CACNA1E: variants seen among roughly 807,000 people sequenced by gnomAD.
CACNA1E encodes the protein voltage-dependent R-type calcium channel subunit alpha-1E.
In CACNA1E, 40 loss-of-function variants were observed where a neutral mutation model predicts 259.2. The observed-to-expected ratio is 0.15, with a 90% confidence interval of 0.12 to 0.20. The LOEUF is 0.20. Among genes scored for constraint, CACNA1E ranks in the 10% least tolerant of loss-of-function variants. CACNA1E has a pLI of 1.00. For synonymous variants in CACNA1E, 1,104 were observed against 1,138.5 expected (o/e 0.97, Z 0.61); for missense variants, 1,874 against 3,040.1 (o/e 0.62, Z 9.02).
At chr1:181,476,976 A>C (rs535633481) in intron 2 of CACNA1E, among the ~76,000 whole-genome samples, 2 of 152,162 alleles carry the variant, frequency 1.3e-5, no homozygotes, top group Non-Finnish European at 1.5e-5. Flanking sequence ...AATAAAGCTT[A>C]ATATCTATTA....
intron 1 of CACNA1E, among the ~76,000 whole-genome samples, chr1:181,484,513 T>G (rs184202251): frequency 6.6e-6 from 1 of 152,336 alleles, no homozygotes; most frequent in Admixed American, 6.5e-5. Flanking sequence ...GCCAAAACCC[T>G]GTGTACAGAT....
At chr1:181,593,272 T>A (rs1652836670) in intron 6 of CACNA1E, among the ~76,000 whole-genome samples, 1 of 152,228 alleles carries the variant, frequency 6.6e-6, no homozygotes, top group African/African-American at 2.4e-5. Context: ...AGAGTGGGTG[T>A]CTGGTTGCTT....
chr1:181,543,881 A>C (rs1294210652), intron 3 of CACNA1E, among the ~76,000 whole-genome samples: 1 of 152,202 alleles, frequency 6.6e-6, no homozygotes, highest in African/African-American at 2.4e-5. Context: ...ATCCTCACAC[A>C]TTGCTGTTGA....
chr1:181,425,700 C>T (rs1324270628), intron 2 of CACNA1E, among the ~76,000 whole-genome samples: 1 of 152,024 alleles, frequency 6.6e-6, no homozygotes, highest in African/African-American at 2.4e-5. Context: ...CCACCTCAGC[C>T]GCTCATACCC....
At chr1:181,646,395 C>T (rs1006571784) in intron 6 of CACNA1E, among the ~76,000 whole-genome samples, 1 of 152,198 alleles carries the variant, frequency 6.6e-6, no homozygotes, top group African/African-American at 2.4e-5. Context: ...GTGGAGGAAG[C>T]CCTGCCTAGG....
At position 181,470,159 on chromosome 1, in the gene CACNA1E, ATTTAT is replaced by A. The variant is rs139091058; in HGVS notation, c.435-13580_435-13576del. Reference sequence around the variant, plus strand: ...CAAGTGAGCGTGAGCGAGCTGCTTGATTTATTTTAATTTTTTTTAGAGATGGAGTC... The same window carrying A: ...CAAGTGAGCGTGAGCGAGCTGCTTGATTTAATTTTTTTTAGAGATGGAGTC... On this transcript the variant is annotated intron_variant, in intron 2 of 11. Transcript: ENST00000524607. 8.9e-3 allele frequency among the ~76,000 whole-genome samples: 1,348 copies of A among 151,860 alleles called. 18 individuals carry two copies. The highest frequency in any genetic ancestry group is 0.028 in the African/African-American group (1,154 of 41,402).
intron 2 of CACNA1E, among the ~76,000 whole-genome samples, chr1:181,434,758 C>A (rs991127741): frequency 1.3e-5 from 2 of 152,158 alleles, no homozygotes; most frequent in African/African-American, 2.4e-5. Flanking sequence ...TGGGCAGGAG[C>A]CACCTGGTCA....
intron 2 of CACNA1E, among the ~76,000 whole-genome samples, chr1:181,430,261 A>G (rs1659621117): frequency 6.6e-6 from 1 of 152,166 alleles, no homozygotes; most frequent in East Asian, 1.9e-4. Flanking sequence ...AAAATTAAGG[A>G]GTGTGGACAA....
chr1:181,664,602 T>C (rs1648026918), intron 7 of CACNA1E, among the ~76,000 whole-genome samples: 1 of 152,168 alleles, frequency 6.6e-6, no homozygotes, highest in Non-Finnish European at 1.5e-5. Context: ...GCTCTGATTT[T>C]CTTGTATTAA....
At chr1:181,411,142 G>A (rs567382654) in intron 1 of CACNA1E, among the ~76,000 whole-genome samples, 1 of 152,298 alleles carries the variant, frequency 6.6e-6, no homozygotes, top group East Asian at 1.9e-4. Context: ...CAATAAGCAG[G>A]TATCTTGAAA....
chr1:181,630,429 T>G (rs1449046723), intron 6 of CACNA1E, among the ~76,000 whole-genome samples: 3 of 150,348 alleles, frequency 2.0e-5, no homozygotes, highest in Non-Finnish European at 3.0e-5. Context: ...CATCTCTTAC[T>G]TTGGTTATTA....
At chr1:181,756,236 A>G (rs1658076948) in intron 29 of CACNA1E, 143 bp downstream of exon 29, 1 of 757,560 alleles carries the variant, frequency 1.3e-6, no homozygotes, top group East Asian at 3.1e-5. Context: ...ACACAGGCAG[A>G]AAAGAGGAAG....
chr1:181,732,224 CG>C lies in CACNA1E; in HGVS notation c.2298-159del, dbSNP rs1431362468. On this transcript the variant is annotated intron_variant, in intron 19 of 47. Transcript: ENST00000367573. The surrounding 1 kb of genome is among the most constrained non-coding windows in gnomAD (Gnocchi z 5.5). ...CCTGATGAGCTCCTCACGTGTGGCC[CG>C]CCTGCTCCTCGCATCTTTCTGTGCT... is the stretch of plus-strand genomic sequence containing the variant. Among the ~76,000 whole-genome samples the C allele has an allele frequency of 6.6e-6, 1 of 152,150 alleles. No homozygotes were observed. Among genetic ancestry groups the C allele is most frequent in the Non-Finnish European group, 1.5e-5 (1 of 68,024 alleles).
intron 2 of CACNA1E, among the ~76,000 whole-genome samples, chr1:181,457,371 C>T (rs1228867919): frequency 6.6e-6 from 1 of 152,204 alleles, no homozygotes; most frequent in African/African-American, 2.4e-5. Flanking sequence ...AACATTCAGT[C>T]CATCAAAACA....
intron 1 of CACNA1E, among the ~76,000 whole-genome samples, chr1:181,384,426 C>A (rs1331589439): frequency 1.3e-5 from 2 of 152,176 alleles, no homozygotes; most frequent in African/African-American, 4.8e-5. Flanking sequence ...TCTTTCTTCA[C>A]CCTATTTTAT....
At position 181,747,736 on chromosome 1, in the gene CACNA1E, T is replaced by C. The variant is rs1657225392; in HGVS notation, c.3720-2740T>C. ...TGATTTGTAAAATGCACGTGAATTA[T>C]TTCCTAAACAATGTGCCTCAATTAA... On this transcript the variant is annotated intron_variant, in intron 25 of 47. Transcript: ENST00000367573. Among the ~76,000 whole-genome samples the C allele has an allele frequency of 2.0e-5, 3 of 152,220 alleles. No individual in the cohort carries two copies. The South Asian group carries it at 6.2e-4, about 32-fold the overall frequency.
chr1:181,638,918 A>C (rs1056762897), intron 6 of CACNA1E, among the ~76,000 whole-genome samples: 3 of 152,154 alleles, frequency 2.0e-5, no homozygotes, highest in African/African-American at 7.2e-5. Flanking sequence ...AGTCAGTTAA[A>C]CCTCTTTCCT....
intron 2 of CACNA1E, among the ~76,000 whole-genome samples, chr1:181,456,540 T>A (rs559667567): frequency 6.6e-6 from 1 of 152,264 alleles, no homozygotes; most frequent in South Asian, 2.1e-4. Context: ...AAGTCCTTGC[T>A]TCAAGTAACT....
rs1048937756 is a variant in CACNA1E at position 181,528,782 on chromosome 1, T to C, written c.512+17272T>C. Among the ~76,000 whole-genome samples the C allele has an allele frequency of 1.2e-4, 19 of 152,162 alleles. 1 individual carries two copies. The highest frequency in any genetic ancestry group is 1.2e-3 in the Admixed American group (19 of 15,274). On this transcript the variant is annotated intron_variant, in intron 3 of 47. Coordinates refer to ENST00000367573, the MANE Select transcript of CACNA1E (RefSeq NM_001205293.3). ...GAGAGAGATGATTTAGGGTGTCTGG[T>C]GGAGGAAATTTCTTAGCAGCAAAGC...
Sources: allele counts gnomAD v4.1 joint callset (sites outside exome capture counted in the v4.1 genomes callset), GRCh38; gene constraint gnomAD v4.1.1; non-coding constraint Gnocchi (gnomAD v3.1); transcripts MANE v1.5; gene names NCBI Gene and HGNC (gene_info 2026-07-23, HGNC 2026-07-21).